DNAH14: variants seen among roughly 807,000 people sequenced by gnomAD.
The protein encoded by DNAH14 is dynein axonemal heavy chain 14.
A neutral mutation model predicts 520.9 loss-of-function variants in DNAH14; 478 were observed. The ratio of observed to expected loss-of-function variants is 0.92; its 90% CI spans 0.85 to 0.99. The LOEUF is 0.99. Among genes scored for constraint, DNAH14 ranks in the 50% least tolerant of loss-of-function variants. The probability of loss-of-function intolerance (pLI) is 0.00; values close to 1 mark genes in which losing one functional copy is unlikely to be tolerated. For missense variants in DNAH14, 4,831 were observed against 5,234.5 expected, an observed-to-expected ratio of 0.92 and a Z score of 2.38; for synonymous variants, 1,581 against 1,757.2, an observed-to-expected ratio of 0.90 and a Z score of 2.51.
intron 34 of DNAH14, among the ~76,000 whole-genome samples, chr1:225,156,486 T>A (rs1049010081): frequency 5.3e-5 from 8 of 152,060 alleles, no homozygotes; most frequent in African/African-American, 1.4e-4. Context: ...TATTGTTCCG[T>A]CAAATTACAG....
At chr1:225,119,394 C>A (rs1316237171) in intron 26 of DNAH14, 100 bp downstream of exon 26, 1 of 754,510 alleles carries the variant, frequency 1.3e-6, no homozygotes, top group South Asian at 3.8e-5. Flanking sequence ...ATCTACTAAT[C>A]TAAGTGAGAA....
At chr1:225,149,436 G>A (rs1573513879) in intron 31 of DNAH14, among the ~76,000 whole-genome samples, 1 of 152,074 alleles carries the variant, frequency 6.6e-6, no homozygotes, top group African/African-American at 2.4e-5. Flanking sequence ...CATATGAATT[G>A]TAAAATAGTT....
chr1:225,281,079 A>G (rs1168738132), intron 54 of DNAH14, among the ~76,000 whole-genome samples: 1 of 152,220 alleles, frequency 6.6e-6, no homozygotes, highest in African/African-American at 2.4e-5. Context: ...TTCATTTTTT[A>G]CTGCCTATGA....
At chr1:225,169,701 G>A (rs1276028242) in intron 36 of DNAH14, among the ~76,000 whole-genome samples, 1 of 152,166 alleles carries the variant, frequency 6.6e-6, no homozygotes, top group African/African-American at 2.4e-5. Flanking sequence ...ACACTCTGCA[G>A]GATATTTTCC....
At chr1:225,071,054 A>G (rs2071489083) in intron 17 of DNAH14, among the ~76,000 whole-genome samples, 1 of 151,936 alleles carries the variant, frequency 6.6e-6, no homozygotes, top group African/African-American at 2.4e-5. Context: ...TCCTCCTTTT[A>G]TTTTTAGCCT....
intron 36 of DNAH14, among the ~76,000 whole-genome samples, chr1:225,168,952 C>T (rs534552400): frequency 1.3e-5 from 2 of 152,182 alleles, no homozygotes; most frequent in Non-Finnish European, 2.9e-5. Flanking sequence ...TGAGAAAAAA[C>T]TTCCAGAGGA....
intron 17 of DNAH14, among the ~76,000 whole-genome samples, chr1:225,061,758 A>G (rs1442491088): frequency 6.6e-6 from 1 of 152,318 alleles, no homozygotes; most frequent in Admixed American, 6.5e-5. Context: ...AGCTAGGATT[A>G]TAGGCACAAG....
chr1:225,121,296 A>G (rs1036225188), intron 26 of DNAH14, among the ~76,000 whole-genome samples: 4 of 152,168 alleles, frequency 2.6e-5, no homozygotes, highest in African/African-American at 7.2e-5. Context: ...ATTGCGAAAC[A>G]TACATTATTA....
chr1:225,131,553 C>T (rs953418070), intron 27 of DNAH14, among the ~76,000 whole-genome samples: 1 of 152,074 alleles, frequency 6.6e-6, no homozygotes, highest in Non-Finnish European at 1.5e-5. Context: ...TACATTTGAC[C>T]CACCCAGATA....
chr1:224,937,775 C>T (rs2059135619), intron 1 of DNAH14, among the ~76,000 whole-genome samples: 1 of 152,022 alleles, frequency 6.6e-6, no homozygotes, highest in Non-Finnish European at 1.5e-5. Flanking sequence ...AAGCTAGAGA[C>T]ATCACACTAC....
intron 1 of DNAH14, among the ~76,000 whole-genome samples, chr1:224,933,835 G>C (rs1196217462): frequency 2.0e-5 from 3 of 151,892 alleles, no homozygotes; most frequent in African/African-American, 7.2e-5. Context: ...CTAGTATTTT[G>C]CTGAGGAGTT....
intron 52 of DNAH14, among the ~76,000 whole-genome samples, chr1:225,275,626 A>G (rs2093447427): frequency 6.6e-6 from 1 of 152,198 alleles, no homozygotes; most frequent in Non-Finnish European, 1.5e-5. Flanking sequence ...GGATCCACAG[A>G]CCCTCAAAGC....
intron 46 of DNAH14, among the ~76,000 whole-genome samples, chr1:225,259,794 G>A (rs142533649): frequency 6.6e-6 from 1 of 152,222 alleles, no homozygotes; most frequent in East Asian, 1.9e-4. Context: ...GAATCCACAT[G>A]TAAGTGAGAT....
intron 3 of DNAH14, among the ~76,000 whole-genome samples, chr1:224,955,564 G>A (rs16858766): frequency 0.055 from 8,363 of 151,946 alleles, 469 homozygotes; most frequent in East Asian, 0.23. Context: ...GCCATTTTCA[G>A]GATTTGATTT....
chr1:225,090,387 T>C (rs1383292171), intron 21 of DNAH14, among the ~76,000 whole-genome samples: 1 of 152,200 alleles, frequency 6.6e-6, no homozygotes, highest in Admixed American at 6.5e-5. Flanking sequence ...GACAAGCTGA[T>C]TCTACAATTC....
chr1:225,141,858 C>T lies in DNAH14; in HGVS notation c.4508+837C>T, dbSNP rs573134179. Among the ~76,000 whole-genome samples the T allele has an allele frequency of 3.9e-5, 6 of 152,260 alleles. No individual in the cohort carries two copies. The East Asian group carries it at 1.2e-3, about 29-fold the overall frequency. The stretch of plus-strand genomic sequence containing the variant: ...AAGTATAGAAAATTAGGGCCATTCT[C>T]ACCTTTAGTGAGAAGAGATTGAGTA... On this transcript the variant is annotated intron_variant, in intron 28 of 85. Coordinates refer to ENST00000682510, the MANE Select transcript of DNAH14 (RefSeq NM_001367479.1).
chr1:225,392,348 C>A lies in DNAH14; in HGVS notation c.13388C>A (p.Ala4463Asp). Residue 4463 changes from alanine to aspartate, a missense_variant, in exon 84 of 86, where the codon GCC becomes GAC. By Grantham distance (126) the Ala-to-Asp change is moderately radical. Coordinates refer to ENST00000682510, the MANE Select transcript of DNAH14 (RefSeq NM_001367479.1). ...AGGTCCCGAGGAATCGCTGTGGATG[C>A]CCTCACCTTCACCCACCATGTGATT... ...YGRSRGIAVDALTFTHHVISN... is the reference protein window; with the variant it reads ...YGRSRGIAVDDLTFTHHVISN... 1 of 1,552,342 alleles carries A rather than the reference C, an allele frequency of 6.4e-7. No individual in the cohort carries two copies. Among genetic ancestry groups the A allele is most frequent in the Non-Finnish European group, 8.7e-7 (1 of 1,147,152 alleles).
At chr1:225,102,225 AT>A (rs1415393092) in intron 23 of DNAH14, among the ~76,000 whole-genome samples, 1 of 151,780 alleles carries the variant, frequency 6.6e-6, no homozygotes. Context: ...TGAACTCATC[AT>A]TTTTTATGGC....
At chr1:225,190,945 A>C (rs770622543) in intron 37 of DNAH14, among the ~76,000 whole-genome samples, 1 of 152,064 alleles carries the variant, frequency 6.6e-6, no homozygotes, top group Non-Finnish European at 1.5e-5. Flanking sequence ...CTTCAATAGC[A>C]GACATTAATT....
Sources: allele counts gnomAD v4.1 joint callset (sites outside exome capture counted in the v4.1 genomes callset), GRCh38; gene constraint gnomAD v4.1.1; transcripts MANE v1.5; gene names NCBI Gene and HGNC (gene_info 2026-07-23, HGNC 2026-07-21).